Variants in LINC00237 observed in about 807,000 individuals in gnomAD.
LINC00237 encodes the protein long independently transcribed non-coding RNA 237.
At chr20:21,086,870 A>G (rs2030716829) in intron 3 of LINC00237, among the ~76,000 whole-genome samples, 2 of 133,082 alleles carry the variant, frequency 1.5e-5, no homozygotes, top group Non-Finnish European at 3.2e-5. Context: ...TGTATATAGT[A>G]TACACTATAT....
At chr20:21,089,134 GA>G (rs1389962899) in intron 2 of LINC00237, among the ~76,000 whole-genome samples, 1 of 151,040 alleles carries the variant, frequency 6.6e-6, no homozygotes, top group Non-Finnish European at 1.5e-5. Flanking sequence ...TTTTCTCATT[GA>G]GTTTCATATA....
intron 3 of LINC00237, among the ~76,000 whole-genome samples, chr20:21,086,487 C>CTATA (rs946591641): frequency 6.8e-6 from 1 of 146,476 alleles, no homozygotes; most frequent in Non-Finnish European, 1.5e-5. Flanking sequence ...AGATATGTAT[C>CTATA]TATATATATA....
At chr20:21,092,456 C>A (rs1005525105) in intron 2 of LINC00237, among the ~76,000 whole-genome samples, 5 of 152,142 alleles carry the variant, frequency 3.3e-5, no homozygotes, top group Non-Finnish European at 7.4e-5. Flanking sequence ...AATGCCCAGG[C>A]GGTAGGCACT....
chr20:21,104,982 A>T (rs2030979366), intron 1 of LINC00237, among the ~76,000 whole-genome samples: 1 of 152,188 alleles, frequency 6.6e-6, no homozygotes, highest in Non-Finnish European at 1.5e-5. Flanking sequence ...AGAAATGGTC[A>T]TGGCTGCATA....
chr20:21,094,826 G>A (rs2030835919), intron 1 of LINC00237, among the ~76,000 whole-genome samples: 2 of 152,206 alleles, frequency 1.3e-5, no homozygotes, highest in African/African-American at 2.4e-5. Context: ...AAGGTGGGCC[G>A]ATCACTTGAC....
chr20:21,099,328 A>C (rs2030899725), intron 1 of LINC00237, among the ~76,000 whole-genome samples: 1 of 148,620 alleles, frequency 6.7e-6, no homozygotes, highest in Admixed American at 6.8e-5. Flanking sequence ...TATTTGAAAT[A>C]AACAACACCT....
At chr20:21,089,830 A>T (rs554157981) in intron 2 of LINC00237, 1 of 152,378 alleles carries the variant, frequency 6.6e-6, no homozygotes, top group South Asian at 2.1e-4. Flanking sequence ...GAAGGCGTCT[A>T]GATTTGGGCT....
chr20:21,096,486 A>T (rs2030859990), intron 1 of LINC00237, among the ~76,000 whole-genome samples: 1 of 152,220 alleles, frequency 6.6e-6, no homozygotes. Flanking sequence ...AGGCTGGGAA[A>T]TGTAGTTCAG....
intron 2 of LINC00237, chr20:21,088,129 A>C (rs879486425): frequency 2.0e-5 from 3 of 152,246 alleles, no homozygotes; most frequent in Non-Finnish European, 4.4e-5. Context: ...TGAAAGTAGG[A>C]GTAGTTCTTT....
chr20:21,102,379 C>G (rs910027668), intron 1 of LINC00237, among the ~76,000 whole-genome samples: 5 of 152,188 alleles, frequency 3.3e-5, no homozygotes, highest in Non-Finnish European at 7.3e-5. Context: ...ATACCCACAA[C>G]CCCCTGCTCC....
intron 1 of LINC00237, among the ~76,000 whole-genome samples, chr20:21,103,563 A>C (rs544160978): frequency 6.6e-6 from 1 of 152,218 alleles, no homozygotes; most frequent in Non-Finnish European, 1.5e-5. Context: ...TATTTAGTGC[A>C]ATATGAAATC....
rs990022333 is a variant in LINC00237 at position 21,103,123 on chromosome 20, C to T, written n.88+3148G>A. On this transcript the variant is annotated intron_variant and non_coding_transcript_variant, in intron 1 of 3. Transcript: ENST00000691244. ...CGAAGCTGGAGGGCGCACTCCCCGGCCTCAGAGCCCCAAACCGGAGGCGCT... is the reference window on the plus strand; with the variant it reads ...CGAAGCTGGAGGGCGCACTCCCCGGTCTCAGAGCCCCAAACCGGAGGCGCT... 2.0e-5 allele frequency among the ~76,000 whole-genome samples: 3 copies of T among 152,270 alleles called. No individual in the cohort carries two copies. In the East Asian group the frequency reaches 5.8e-4, roughly 29 times the overall value.
At chr20:21,090,695 C>T (rs1367398606) in intron 2 of LINC00237, among the ~76,000 whole-genome samples, 1 of 152,074 alleles carries the variant, frequency 6.6e-6, no homozygotes, top group African/African-American at 2.4e-5. Flanking sequence ...GAGATGAGGT[C>T]CTTGGTGGTG....
At chr20:21,096,214 G>A (rs1352976153) in intron 1 of LINC00237, among the ~76,000 whole-genome samples, 1 of 152,218 alleles carries the variant, frequency 6.6e-6, no homozygotes, top group African/African-American at 2.4e-5. Flanking sequence ...AAAATTTGCA[G>A]TTCTTCAAAC....
intron 2 of LINC00237, among the ~76,000 whole-genome samples, chr20:21,092,043 A>G (rs1038069188): frequency 6.6e-6 from 1 of 152,132 alleles, no homozygotes; most frequent in African/African-American, 2.4e-5. Flanking sequence ...AATCACTATT[A>G]ATAACTGGAA....
chr20:21,092,182 A>G (rs951028261), intron 2 of LINC00237, among the ~76,000 whole-genome samples: 1 of 152,176 alleles, frequency 6.6e-6, no homozygotes, highest in Non-Finnish European at 1.5e-5. Context: ...ATCAACCAAT[A>G]AATACCCTTT....
intron 1 of LINC00237, among the ~76,000 whole-genome samples, chr20:21,103,736 C>A (rs1397368043): frequency 6.6e-6 from 1 of 152,164 alleles, no homozygotes; most frequent in East Asian, 1.9e-4. Context: ...CGCCAACTCG[C>A]GCTCTGGAGA....
At chr20:21,092,075 G>A (rs537328994) in intron 2 of LINC00237, among the ~76,000 whole-genome samples, 5 of 152,160 alleles carry the variant, frequency 3.3e-5, no homozygotes, top group Admixed American at 1.3e-4. Flanking sequence ...AGACCCCCTC[G>A]TCAGGGTGCT....
Position 21,104,633 on chromosome 20 carries a change from C to T in LINC00237, n.88+1638G>A, listed in dbSNP as rs74590305. 9.9e-3 allele frequency among the ~76,000 whole-genome samples: 1,512 copies of T among 152,292 alleles called. 23 individuals carry two copies. The highest frequency in any genetic ancestry group is 0.035 in the African/African-American group (1,436 of 41,552). ...TCCTCTGCCCCCCACCCTCCAACCC[C>T]TGACTTACTGTTTTTTTTCCTAAGA... On this transcript the variant is annotated intron_variant and non_coding_transcript_variant, in intron 1 of 3. Coordinates refer to ENST00000691244, the Ensembl canonical transcript of LINC00237.
Sources: allele counts gnomAD v4.1 joint callset (sites outside exome capture counted in the v4.1 genomes callset), GRCh38; gene constraint gnomAD v4.1.1; transcripts MANE v1.5; gene names NCBI Gene and HGNC (gene_info 2026-07-23, HGNC 2026-07-21).